The following COP1 variants were observed in gnomAD, a reference collection of about 807,000 sequenced individuals.
COP1 encodes E3 ubiquitin-protein ligase COP1.
COP1 carries 24 observed loss-of-function variants against 101.3 expected under a neutral mutation model. The observed-to-expected ratio is 0.24, with a 90% CI of 0.17 to 0.33. The LOEUF (loss-of-function observed/expected upper bound fraction) is 0.33. Ranked by LOEUF, COP1 falls within the 10% of genes least tolerant of loss-of-function variation. The pLI is 1.00. For synonymous variants in COP1, 347 were observed against 341.9 expected, an observed-to-expected ratio of 1.01 and a Z score of -0.17; for missense variants, 663 against 906.2, an observed-to-expected ratio of 0.73 and a Z score of 3.45.
intron 1 of COP1, among the ~76,000 whole-genome samples, chr1:176,196,394 C>A (rs1699700754): frequency 6.6e-6 from 1 of 151,982 alleles, no homozygotes; most frequent in South Asian, 2.1e-4. Flanking sequence ...CACAAGAACA[C>A]AAATTATCAA....
intron 15 of COP1, among the ~76,000 whole-genome samples, chr1:176,016,773 G>A (rs1032813813): frequency 4.0e-5 from 6 of 151,528 alleles, no homozygotes; most frequent in African/African-American, 1.5e-4. Flanking sequence ...ATCAATCCAG[G>A]TGATAAAACA....
At chr1:175,995,967 T>A (rs1213353435) in intron 15 of COP1, among the ~76,000 whole-genome samples, 2 of 152,062 alleles carry the variant, frequency 1.3e-5, no homozygotes, top group Non-Finnish European at 1.5e-5. Flanking sequence ...TAGACCAATA[T>A]CCTTGATGAA....
At chr1:176,202,343 C>T (rs1393619363) in intron 1 of COP1, among the ~76,000 whole-genome samples, 1 of 151,916 alleles carries the variant, frequency 6.6e-6, no homozygotes, top group Non-Finnish European at 1.5e-5. Flanking sequence ...GCACAAGCCA[C>T]CACACAGGCT....
rs1019074374 is a variant in COP1 at position 175,959,814 on chromosome 1, T to C, written c.2134-12575A>G. 2.6e-5 allele frequency among the ~76,000 whole-genome samples: 4 copies of C among 152,188 alleles called. 1 individual carries two copies. Among genetic ancestry groups the C allele is most frequent in the Non-Finnish European group, 2.9e-5 (2 of 68,008 alleles). On this transcript the variant is annotated intron_variant, in intron 18 of 19. Coordinates refer to ENST00000367669, the MANE Select transcript of COP1 (RefSeq NM_022457.7). ...AACTACTATTATCAGGTGTGAAATCTTTCTAGGTAAATTACCATCATTAAT... is the reference window on the plus strand; with the variant it reads ...AACTACTATTATCAGGTGTGAAATCCTTCTAGGTAAATTACCATCATTAAT...
intron 15 of COP1, among the ~76,000 whole-genome samples, chr1:176,011,806 G>C (rs560448696): frequency 6.6e-6 from 1 of 152,322 alleles, no homozygotes. Flanking sequence ...TAGAGACTTT[G>C]TGCCTATTAG....
intron 15 of COP1, among the ~76,000 whole-genome samples, chr1:175,993,468 C>G (rs1181035750): frequency 1.3e-5 from 2 of 152,056 alleles, no homozygotes; most frequent in Non-Finnish European, 2.9e-5. Flanking sequence ...GAAACTTAAA[C>G]CAAAGGCAAA....
At chr1:176,016,071 G>A (rs1235843122) in intron 15 of COP1, among the ~76,000 whole-genome samples, 1 of 152,132 alleles carries the variant, frequency 6.6e-6, no homozygotes, top group Non-Finnish European at 1.5e-5. Context: ...AAGAAAAATT[G>A]AGTTCTGGAT....
intron 18 of COP1, chr1:175,968,571 T>TATA (rs1308303926): frequency 2.0e-6 from 1 of 499,832 alleles, no homozygotes; most frequent in Non-Finnish European, 4.0e-6. Flanking sequence ...AGAAGACTTT[T>TATA]GTTAACCAGT....
intron 11 of COP1, among the ~76,000 whole-genome samples, chr1:176,047,724 A>G (rs1358738116): frequency 6.6e-6 from 1 of 152,174 alleles, no homozygotes; most frequent in Non-Finnish European, 1.5e-5. Context: ...GTTAATGATT[A>G]ATGATTTATT....
intron 15 of COP1, among the ~76,000 whole-genome samples, chr1:176,000,269 T>C (rs886793310): frequency 6.6e-6 from 1 of 152,112 alleles, no homozygotes. Context: ...GTGACTTGAT[T>C]TTCATATATG....
At chr1:176,181,492 T>C (rs1238868551) in intron 2 of COP1, among the ~76,000 whole-genome samples, 1 of 151,938 alleles carries the variant, frequency 6.6e-6, no homozygotes, top group Non-Finnish European at 1.5e-5. Flanking sequence ...TTTTAATAGT[T>C]CCTGCCAACA....
chr1:175,955,766 C>CCACACACACACACACACACACACACACA (rs60306255), intron 18 of COP1, among the ~76,000 whole-genome samples: 99 of 129,282 alleles, frequency 7.7e-4, no homozygotes, highest in East Asian at 2.2e-3. Context: ...TAGAGACAAA[C>CCACACACACACACACACACACACACACA]CACACACACA....
At chr1:175,956,630 T>C (rs1309094345) in intron 18 of COP1, among the ~76,000 whole-genome samples, 1 of 152,214 alleles carries the variant, frequency 6.6e-6, no homozygotes, top group Non-Finnish European at 1.5e-5. Context: ...GGAATGATTT[T>C]AGGATGCTGG....
At chr1:175,992,839 G>A (rs1360182830) in intron 15 of COP1, among the ~76,000 whole-genome samples, 1 of 152,206 alleles carries the variant, frequency 6.6e-6, no homozygotes, top group Non-Finnish European at 1.5e-5. Context: ...AAAGACAGCA[G>A]TAACCTCTGC....
intron 18 of COP1, among the ~76,000 whole-genome samples, chr1:175,983,699 A>C (rs1177291746): frequency 6.6e-6 from 1 of 152,194 alleles, no homozygotes; most frequent in Non-Finnish European, 1.5e-5. Flanking sequence ...CTCCCTAGAG[A>C]CTTGTTCAAT....
chr1:175,983,565 C>T (rs1255447933), intron 18 of COP1, among the ~76,000 whole-genome samples: 1 of 152,078 alleles, frequency 6.6e-6, no homozygotes, highest in Non-Finnish European at 1.5e-5. Flanking sequence ...AAATTGGTAC[C>T]AGAAGTGGGG....
In COP1 at chr1:176,175,890, A is replaced by G; in HGVS notation, c.565+20T>C. On this transcript the variant is annotated intron_variant, in intron 3 of 19. Transcript: ENST00000367669. Reference sequence around the variant, plus strand: ...GGGGATCGAAATATTTTTAAAATAAAAATCATTCCAAAGACTCACCCAAGA... The same window carrying G: ...GGGGATCGAAATATTTTTAAAATAAGAATCATTCCAAAGACTCACCCAAGA... 1 of 1,337,736 alleles carries G rather than the reference A, an allele frequency of 7.5e-7. No individual in the cohort carries two copies. The highest frequency in any genetic ancestry group is 1.9e-5 in the Admixed American group (1 of 51,504). The allele number at this position is 1,337,736 out of a possible 1,614,324, so 82.9% of individuals were successfully genotyped here.
chr1:175,953,126 TATA>T (rs1315721377), intron 18 of COP1, among the ~76,000 whole-genome samples: 2 of 152,120 alleles, frequency 1.3e-5, no homozygotes, highest in African/African-American at 4.8e-5. Context: ...AGAATAGAAG[TATA>T]ATGTTATAAG....
chr1:176,058,207 G>C (rs1171317203), intron 11 of COP1, among the ~76,000 whole-genome samples: 2 of 142,560 alleles, frequency 1.4e-5, no homozygotes, highest in Non-Finnish European at 3.1e-5. Context: ...CCCCTGCCCA[G>C]CCGCCCCTTC....
Sources: gnomAD v4.1 joint callset for allele counts (sites outside exome capture counted in the v4.1 genomes callset) on GRCh38, gnomAD v4.1.1 for gene constraint, MANE v1.5 for transcripts, NCBI Gene and HGNC (gene_info 2026-07-23, HGNC 2026-07-21) for gene names.